SUPT3H: variants seen among roughly 807,000 people sequenced by gnomAD.
SUPT3H encodes SPT3 homolog, SAGA and STAGA complex component.
A neutral mutation model predicts 44.3 loss-of-function variants in SUPT3H; 44 were observed. That is an observed-to-expected ratio of 0.99 (90% CI 0.78 to 1.28). The LOEUF (loss-of-function observed/expected upper bound fraction) is 1.28. Ranked by LOEUF, SUPT3H falls within the 50% of genes most tolerant of loss-of-function variation. SUPT3H has a pLI of 0.00. For missense variants in SUPT3H, 380 were observed against 387.1 expected (o/e 0.98, Z 0.15); for synonymous variants, 124 against 125.6 (o/e 0.99, Z 0.09).
In SUPT3H at chr6:45,099,711, G is replaced by A. The variant is rs181811961; in HGVS notation, c.186+6211C>T. Among the ~76,000 whole-genome samples, 234 of 152,108 alleles carry A rather than the reference G, an allele frequency of 1.5e-3. 3 individuals carry two copies. The highest frequency in any genetic ancestry group is 5.5e-3 in the African/African-American group (228 of 41,508). ...GAGCTATACCAGTGTCAATAAATAA[G>A]TGTACTAAATAAATGAATAAAACAT... On this transcript the variant is annotated intron_variant, in intron 3 of 10. Coordinates refer to ENST00000371459, the MANE Select transcript of SUPT3H (RefSeq NM_003599.4).
intron 2 of SUPT3H, among the ~76,000 whole-genome samples, chr6:45,171,874 C>T (rs1042677557): frequency 1.3e-5 from 2 of 151,290 alleles, no homozygotes; most frequent in African/African-American, 2.4e-5. Context: ...TGCAACACCA[C>T]GCCCAGCTAA....
At chr6:45,333,611 A>G (rs1787952573) in intron 2 of SUPT3H, among the ~76,000 whole-genome samples, 1 of 151,380 alleles carries the variant, frequency 6.6e-6, no homozygotes, top group South Asian at 2.1e-4. Flanking sequence ...ACACTAATAA[A>G]CAGAAACTGC....
intron 10 of SUPT3H, among the ~76,000 whole-genome samples, chr6:44,837,433 G>A (rs1043458487): frequency 6.6e-6 from 1 of 152,176 alleles, no homozygotes; most frequent in African/African-American, 2.4e-5. Flanking sequence ...ATGCTGATGT[G>A]CTCATCATTA....
At chr6:45,128,527 AAAAAAAATAT>A (rs1305150543) in intron 2 of SUPT3H, among the ~76,000 whole-genome samples, 1 of 63,214 alleles carries the variant, frequency 1.6e-5, no homozygotes, top group African/African-American at 6.5e-5. Context: ...AAAAAAAAAA[AAAAAAAATAT>A]ATATATATAT....
At chr6:45,187,143 A>T (rs1814365807) in intron 2 of SUPT3H, among the ~76,000 whole-genome samples, 1 of 142,400 alleles carries the variant, frequency 7.0e-6, no homozygotes. Context: ...GGCCAGATGC[A>T]GTGGCTCATG....
chr6:45,358,548 G>C (rs1395137451), intron 2 of SUPT3H, among the ~76,000 whole-genome samples: 1 of 151,990 alleles, frequency 6.6e-6, no homozygotes, highest in African/African-American at 2.4e-5. Context: ...TGTTGATGAT[G>C]ATATTTATTT....
At chr6:44,924,122 T>C (rs1311784143) in intron 10 of SUPT3H, among the ~76,000 whole-genome samples, 1 of 152,108 alleles carries the variant, frequency 6.6e-6, no homozygotes, top group Non-Finnish European at 1.5e-5. Flanking sequence ...AATCCATATA[T>C]TGATTCCCTC....
intron 6 of SUPT3H, among the ~76,000 whole-genome samples, chr6:44,980,445 T>TA (rs1778943980): frequency 6.6e-6 from 1 of 152,214 alleles, no homozygotes; most frequent in Admixed American, 6.5e-5. Flanking sequence ...GGGCTTATTG[T>TA]ACTAAGGATT....
chr6:45,298,348 G>T (rs1562905187), intron 2 of SUPT3H, among the ~76,000 whole-genome samples: 1 of 150,602 alleles, frequency 6.6e-6, no homozygotes. Flanking sequence ...TCACTTAAAA[G>T]AAAAAAAAAG....
chr6:45,148,222 A>T (rs1186216391), intron 2 of SUPT3H, among the ~76,000 whole-genome samples: 1 of 152,164 alleles, frequency 6.6e-6, no homozygotes, highest in Non-Finnish European at 1.5e-5. Flanking sequence ...TAACAAACAT[A>T]TACCATATTC....
chr6:44,953,481 A>ATTCATG, intron 8 of SUPT3H, 64 bp from the exon 9 acceptor site: 2 of 1,348,166 alleles, frequency 1.5e-6, no homozygotes, highest in Non-Finnish European at 2.1e-6. Context: ...CTGAAGTGGC[A>ATTCATG]AACCTAAAAG....
chr6:45,206,888 C>G (rs766108033), intron 2 of SUPT3H, among the ~76,000 whole-genome samples: 4 of 152,082 alleles, frequency 2.6e-5, no homozygotes, highest in Non-Finnish European at 5.9e-5. Flanking sequence ...TTTGAGAAAT[C>G]TACCAGACAT....
intron 2 of SUPT3H, among the ~76,000 whole-genome samples, chr6:45,120,617 ACAACAAATGATGTCTATAT>A (rs1278437932): frequency 3.3e-5 from 5 of 152,050 alleles, no homozygotes; most frequent in Non-Finnish European, 7.4e-5. Flanking sequence ...AAGAAGTTGA[ACAACAAATGATGTCTATAT>A]CAATAACCAA....
intron 6 of SUPT3H, among the ~76,000 whole-genome samples, chr6:44,967,447 G>C (rs993246766): frequency 3.3e-5 from 5 of 152,034 alleles, no homozygotes; most frequent in African/African-American, 9.7e-5. Context: ...ACAAACTCTC[G>C]GTACATATTT....
chr6:44,899,653 CT>C (rs772662604), intron 10 of SUPT3H, among the ~76,000 whole-genome samples: 75 of 152,262 alleles, frequency 4.9e-4, no homozygotes, highest in Middle Eastern at 6.8e-3. Context: ...TGCCACTGCG[CT>C]CCAACCTGGG....
At chr6:45,177,587 C>T (rs928828362) in intron 2 of SUPT3H, among the ~76,000 whole-genome samples, 2 of 151,788 alleles carry the variant, frequency 1.3e-5, no homozygotes, top group South Asian at 2.1e-4. Context: ...AGATACTCCT[C>T]GAGAAGAGCA....
intron 2 of SUPT3H, among the ~76,000 whole-genome samples, chr6:45,159,976 CA>C (rs1331206146): frequency 6.6e-6 from 1 of 152,010 alleles, no homozygotes; most frequent in Non-Finnish European, 1.5e-5. Context: ...TATAAACTAA[CA>C]AAAATCTGGG....
chr6:45,256,042 G>C (rs1031473921), intron 2 of SUPT3H, among the ~76,000 whole-genome samples: 3 of 152,048 alleles, frequency 2.0e-5, no homozygotes, highest in African/African-American at 7.2e-5. Flanking sequence ...GTGGTTGCGG[G>C]TGCCTGTAGT....
chr6:45,102,835 G>C (rs1798767700), intron 3 of SUPT3H, among the ~76,000 whole-genome samples: 1 of 151,886 alleles, frequency 6.6e-6, no homozygotes, highest in Non-Finnish European at 1.5e-5. Context: ...AGCTACTCAA[G>C]AGACTGAGAC....
Sources: gnomAD v4.1 joint callset for allele counts (sites outside exome capture counted in the v4.1 genomes callset) on GRCh38, gnomAD v4.1.1 for gene constraint, MANE v1.5 for transcripts, NCBI Gene and HGNC (gene_info 2026-07-23, HGNC 2026-07-21) for gene names.